CHSY1: variants seen among roughly 807,000 people sequenced by gnomAD.
CHSY1 encodes N-acetylgalactosaminyl-proteoglycan 3-beta-glucuronosyltransferase 1.
Under a neutral mutation model 59.8 loss-of-function variants are expected in CHSY1, and 13 were observed. That is an observed-to-expected ratio of 0.22 (90% CI 0.14 to 0.35). The LOEUF (loss-of-function observed/expected upper bound fraction) is 0.35. Among genes scored for constraint, CHSY1 ranks in the 10% least tolerant of loss-of-function variants. CHSY1 has a pLI of 1.00. For synonymous variants in CHSY1, 459 were observed against 401.2 expected (o/e 1.14, Z -1.72); for missense variants, 947 against 1,030.6 (o/e 0.92, Z 1.11).
At chr15:101,221,008 C>A (rs2038783070) in intron 2 of CHSY1, among the ~76,000 whole-genome samples, 1 of 152,100 alleles carries the variant, frequency 6.6e-6, no homozygotes, top group South Asian at 2.1e-4. Flanking sequence ...AGTCGGCCGC[C>A]TTATCATGCC....
In CHSY1 at chr15:101,206,752, A is replaced by C. The variant is rs2141257703; in HGVS notation, c.817-27772T>G. Among the ~76,000 whole-genome samples the C allele has an allele frequency of 2.0e-5, 3 of 152,376 alleles. No homozygotes were observed. In the Middle Eastern group the frequency reaches 0.01, roughly 518 times the overall value. On this transcript the variant is annotated intron_variant, in intron 2 of 2. Transcript: ENST00000254190. ...TTATTTTCCCTACACAGAAGCAGCC[A>C]TAATGGCAGAGAGAGTGAACAAATA...
chr15:101,177,186 C>T lies in CHSY1; in HGVS notation c.*202G>A, dbSNP rs960919122. 5.8e-5 allele frequency: 31 copies of T among 531,030 alleles called. No homozygotes were observed. Among genetic ancestry groups the T allele is most frequent in the Middle Eastern group, 9.9e-4 (2 of 2,022 alleles). The allele number at this position is 531,030 out of a possible 1,614,324, so 32.9% of individuals were successfully genotyped here. The stretch of plus-strand genomic sequence containing the variant: ...AAGTCAAAGTTAAGCAGGTCTGCTA[C>T]ATAATGTTCAGCAAGAAGATGTGTT... On this transcript the variant is annotated 3_prime_UTR_variant, in exon 3 of 3. Coordinates refer to ENST00000254190, the MANE Select transcript of CHSY1 (RefSeq NM_014918.5).
chr15:101,233,057 T>C (rs542816672), intron 2 of CHSY1, among the ~76,000 whole-genome samples: 2 of 152,304 alleles, frequency 1.3e-5, no homozygotes, highest in South Asian at 4.1e-4. Context: ...CTTCAGCTGA[T>C]GAGGCCACTG....
intron 2 of CHSY1, among the ~76,000 whole-genome samples, chr15:101,218,712 C>T (rs2038759464): frequency 6.6e-6 from 1 of 152,192 alleles, no homozygotes; most frequent in Non-Finnish European, 1.5e-5. Context: ...CTGCACTGAG[C>T]TACAGCCATG....
intron 2 of CHSY1, among the ~76,000 whole-genome samples, chr15:101,189,064 C>T (rs897862627): frequency 2.0e-5 from 3 of 152,220 alleles, no homozygotes; most frequent in African/African-American, 4.8e-5. Flanking sequence ...TGAACGCTCC[C>T]GTGAAAGGCG....
At chr15:101,245,943 G>C (rs1337339614) in intron 1 of CHSY1, among the ~76,000 whole-genome samples, 1 of 152,206 alleles carries the variant, frequency 6.6e-6, no homozygotes, top group African/African-American at 2.4e-5. Context: ...ACTGTTTCAA[G>C]ATAAACATGG....
At chr15:101,229,663 T>C (rs1280987457) in intron 2 of CHSY1, among the ~76,000 whole-genome samples, 1 of 152,138 alleles carries the variant, frequency 6.6e-6, no homozygotes, top group Non-Finnish European at 1.5e-5. Context: ...TCCCAGCATT[T>C]TGGGAGGCTG....
chr15:101,200,420 A>C (rs879028371), intron 2 of CHSY1, among the ~76,000 whole-genome samples: 2 of 152,216 alleles, frequency 1.3e-5, no homozygotes, highest in African/African-American at 4.8e-5. Context: ...CTCCTGACTA[A>C]TTTGGTCCCA....
At chr15:101,201,289 G>A (rs1164957475) in intron 2 of CHSY1, among the ~76,000 whole-genome samples, 2 of 152,140 alleles carry the variant, frequency 1.3e-5, no homozygotes, top group Non-Finnish European at 2.9e-5. Context: ...GAATAATGAG[G>A]CTGGTGGTTA....
chr15:101,188,211 C>G, intron 2 of CHSY1: 2 of 985,216 alleles, frequency 2.0e-6, no homozygotes, highest in Non-Finnish European at 2.4e-6. Flanking sequence ...GTTTTCTCAC[C>G]CTTTTGTCCT....
At chr15:101,236,986 G>A (rs1198083678) in intron 1 of CHSY1, among the ~76,000 whole-genome samples, 1 of 151,836 alleles carries the variant, frequency 6.6e-6, no homozygotes, top group East Asian at 1.9e-4. Flanking sequence ...TTAGGAGGCC[G>A]AGGCAGGCAG....
intron 2 of CHSY1, among the ~76,000 whole-genome samples, chr15:101,196,196 CTCCAGCGTGGGTG>C (rs2038505196): frequency 6.7e-6 from 1 of 148,734 alleles, no homozygotes. Flanking sequence ...CAGCACTGTA[CTCCAGCGTGGGTG>C]ACAGAGCGAG....
At chr15:101,239,575 T>C (rs2038980872) in intron 1 of CHSY1, among the ~76,000 whole-genome samples, 1 of 152,232 alleles carries the variant, frequency 6.6e-6, no homozygotes, top group Non-Finnish European at 1.5e-5. Context: ...CCTGGCACTA[T>C]GTAAGTATGA....
At chr15:101,197,679 G>A (rs765472790) in intron 2 of CHSY1, among the ~76,000 whole-genome samples, 5 of 152,178 alleles carry the variant, frequency 3.3e-5, no homozygotes, top group Non-Finnish European at 7.3e-5. Flanking sequence ...TGTATATAAT[G>A]TTAAATTACT....
At chr15:101,180,346 C>T (rs1047030773) in intron 2 of CHSY1, among the ~76,000 whole-genome samples, 5 of 152,182 alleles carry the variant, frequency 3.3e-5, no homozygotes, top group Non-Finnish European at 7.3e-5. Flanking sequence ...AAAGTGCCGC[C>T]GCTGTTTCCA....
In CHSY1 at chr15:101,245,930, T is replaced by C. The variant is rs568048316; in HGVS notation, c.320+5207A>G. Among the ~76,000 whole-genome samples, 3 of 152,378 alleles carry C rather than the reference T, an allele frequency of 2.0e-5. No homozygotes were observed. The South Asian group carries it at 6.2e-4, about 32-fold the overall frequency. On this transcript the variant is annotated intron_variant, in intron 1 of 2. Transcript: ENST00000254190. ...CTATCTAAGAAAGTGAGGACTGCTC[T>C]GAACTGTTTCAAGATAAACATGGTT...
chr15:101,214,966 G>A (rs1470390554), intron 2 of CHSY1, among the ~76,000 whole-genome samples: 2 of 152,162 alleles, frequency 1.3e-5, no homozygotes, highest in African/African-American at 2.4e-5. Flanking sequence ...GTGAGTTCTC[G>A]CAAGATCTCG....
intron 2 of CHSY1, among the ~76,000 whole-genome samples, chr15:101,221,215 C>T (rs1351849012): frequency 1.3e-5 from 2 of 152,130 alleles, no homozygotes; most frequent in Non-Finnish European, 2.9e-5. Flanking sequence ...ATTAACAGGC[C>T]GGGTGCGGTG....
chr15:101,176,490 T>C lies in CHSY1; in HGVS notation c.*898A>G, dbSNP rs1292870386. ...TCAAGAAGAGAAAATGCCAAATCCT[T>C]CTTGAAATTTAATGCCAGGTCTATT... On this transcript the variant is annotated 3_prime_UTR_variant, in exon 3 of 3. Coordinates refer to ENST00000254190, the MANE Select transcript of CHSY1 (RefSeq NM_014918.5). 4 of 398,242 alleles carry C rather than the reference T, an allele frequency of 1.0e-5. No homozygotes were observed. The highest frequency in any genetic ancestry group is 1.8e-5 in the Non-Finnish European group (4 of 225,970). The allele number at this position is 398,242 out of a possible 1,614,324, so 24.7% of individuals were successfully genotyped here.
Sources: allele counts gnomAD v4.1 joint callset (sites outside exome capture counted in the v4.1 genomes callset), GRCh38; gene constraint gnomAD v4.1.1; transcripts MANE v1.5; gene names NCBI Gene and HGNC (gene_info 2026-07-23, HGNC 2026-07-21).